The following ATP8A1 variants were observed in gnomAD, a reference collection of about 807,000 sequenced individuals.
The protein encoded by ATP8A1 is ATPase phospholipid transporting 8A1.
A neutral mutation model predicts 177.7 loss-of-function variants in ATP8A1; 90 were observed. The observed-to-expected ratio is 0.51, with a 90% CI of 0.43 to 0.60. The LOEUF (loss-of-function observed/expected upper bound fraction) is 0.60. ATP8A1 is among the 20% of genes least tolerant of loss of function. The pLI, the probability that ATP8A1 is intolerant of heterozygous loss-of-function variation, is 0.00. For synonymous variants in ATP8A1, 493 were observed against 485.9 expected (o/e 1.01, Z -0.19); for missense variants, 1,072 against 1,392.8 (o/e 0.77, Z 3.67).
intron 5 of ATP8A1, among the ~76,000 whole-genome samples, chr4:42,604,863 G>A (rs1027434591): frequency 5.3e-5 from 8 of 152,128 alleles, no homozygotes; most frequent in African/African-American, 1.9e-4. Context: ...TTTAAGTGTG[G>A]ATACAATGAC....
chr4:42,550,399 T>C (rs1306733799), intron 18 of ATP8A1, among the ~76,000 whole-genome samples: 1 of 152,190 alleles, frequency 6.6e-6, no homozygotes, highest in Admixed American at 6.5e-5. Context: ...TGAATAAAGC[T>C]GATAGGAGCA....
intron 25 of ATP8A1, among the ~76,000 whole-genome samples, chr4:42,482,010 G>C (rs1416109001): frequency 2.6e-5 from 4 of 152,160 alleles, no homozygotes; most frequent in African/African-American, 9.7e-5. Flanking sequence ...ATCTATGAAA[G>C]AACAGTAGTT....
chr4:42,578,397 G>A lies in ATP8A1; in HGVS notation c.1001-10C>T. Reference sequence around the variant, plus strand: ...TTACTAGCGCCACCATCTGTTGGGAGAGGCAGGAAGAACGTCATTTACAGT... The same window carrying A: ...TTACTAGCGCCACCATCTGTTGGGAAAGGCAGGAAGAACGTCATTTACAGT... On this transcript the variant is annotated splice_polypyrimidine_tract_variant and intron_variant, in intron 11 of 36. Transcript: ENST00000381668. 6.2e-7 allele frequency: 1 copy of A among 1,605,496 alleles called. No homozygotes were observed. Among genetic ancestry groups the A allele is most frequent in the Non-Finnish European group, 8.5e-7 (1 of 1,177,072 alleles).
At chr4:42,441,583 G>A (rs1001779414) in intron 33 of ATP8A1, among the ~76,000 whole-genome samples, 24 of 151,962 alleles carry the variant, frequency 1.6e-4, no homozygotes, top group East Asian at 5.8e-4. Context: ...GATTTACCTC[G>A]GAGAATCTGA....
chr4:42,596,205 T>C (rs1203993833), intron 6 of ATP8A1, among the ~76,000 whole-genome samples: 1 of 152,166 alleles, frequency 6.6e-6, no homozygotes, highest in Non-Finnish European at 1.5e-5. Context: ...ATACATATTC[T>C]AATTGGAGGA....
intron 22 of ATP8A1, among the ~76,000 whole-genome samples, chr4:42,516,623 TA>T (rs1356175895): frequency 6.6e-6 from 1 of 152,210 alleles, no homozygotes; most frequent in African/African-American, 2.4e-5. Flanking sequence ...TTGAAGCAAA[TA>T]AATATTAAAC....
At chr4:42,567,071 G>C (rs1357921485) in intron 15 of ATP8A1, among the ~76,000 whole-genome samples, 1 of 152,226 alleles carries the variant, frequency 6.6e-6, no homozygotes, top group Non-Finnish European at 1.5e-5. Context: ...TTGTTCAACA[G>C]TACCAGTAGA....
At chr4:42,477,382 G>C (rs1232895819) in intron 25 of ATP8A1, among the ~76,000 whole-genome samples, 1 of 152,134 alleles carries the variant, frequency 6.6e-6, no homozygotes, top group Non-Finnish European at 1.5e-5. Context: ...CTATTCCATG[G>C]ATCTGGGATG....
intron 33 of ATP8A1, among the ~76,000 whole-genome samples, chr4:42,425,420 A>G (rs1714481207): frequency 6.6e-6 from 1 of 152,232 alleles, no homozygotes; most frequent in Non-Finnish European, 1.5e-5. Context: ...AACAACATGA[A>G]TTGAGGGGAA....
rs145872247 is a variant in ATP8A1, at chr4:42,639,414, T to C, written c.50-12305A>G. ...CTGCTGCCTAGAATAGATGATACAA[T>C]GTTGTTAACAGATAATAAAAGGCAG... On this transcript the variant is annotated intron_variant, in intron 1 of 36. Coordinates refer to ENST00000381668, the MANE Select transcript of ATP8A1 (RefSeq NM_006095.2). Among the ~76,000 whole-genome samples the C allele has an allele frequency of 9.7e-3, 1,483 of 152,308 alleles. 17 individuals carry two copies. The highest frequency in any genetic ancestry group is 0.033 in the African/African-American group (1,380 of 41,564).
At chr4:42,580,066 C>A in intron 10 of ATP8A1, 88 bp from the exon 11 acceptor site, 1 of 1,039,986 alleles carries the variant, frequency 9.6e-7, no homozygotes, top group South Asian at 1.7e-5. Context: ...ATGACAAAGT[C>A]ACAACTCAGT....
intron 5 of ATP8A1, among the ~76,000 whole-genome samples, chr4:42,613,715 C>T (rs1367074311): frequency 1.3e-5 from 2 of 152,042 alleles, no homozygotes; most frequent in African/African-American, 4.8e-5. Context: ...TCCCGAATAG[C>T]TGGGATTACA....
At chr4:42,490,563 CT>C (rs1722646778) in intron 24 of ATP8A1, among the ~76,000 whole-genome samples, 1 of 152,202 alleles carries the variant, frequency 6.6e-6, no homozygotes, top group African/African-American at 2.4e-5. Flanking sequence ...ATTCCCTCAA[CT>C]TTCCTTCCTT....
intron 27 of ATP8A1, among the ~76,000 whole-genome samples, chr4:42,461,244 C>CTTTTTTTTTTTTTTTTTTTTTT (rs777847439): frequency 3.5e-5 from 3 of 84,546 alleles, no homozygotes; most frequent in Non-Finnish European, 7.0e-5. Context: ...TCAATTTTTT[C>CTTTTTTTTTTTTTTTTTTTTTT]TTTCTTTTTT....
chr4:42,596,728 C>CAA (rs1194582937), intron 6 of ATP8A1, among the ~76,000 whole-genome samples: 1 of 150,302 alleles, frequency 6.7e-6, no homozygotes, highest in Non-Finnish European at 1.5e-5. Context: ...GCTTCATGCA[C>CAA]AAAAGTGGCT....
At chr4:42,514,004 C>T (rs539878788) in intron 22 of ATP8A1, among the ~76,000 whole-genome samples, 2 of 152,156 alleles carry the variant, frequency 1.3e-5, no homozygotes, top group Non-Finnish European at 2.9e-5. Context: ...TGGGTATCAT[C>T]CTTGTTTTAA....
chr4:42,653,936 A>T (rs1054338027), intron 1 of ATP8A1, among the ~76,000 whole-genome samples: 10 of 152,184 alleles, frequency 6.6e-5, no homozygotes, highest in African/African-American at 2.4e-4. Context: ...ACTGTCTTCA[A>T]CACTCTCCTA....
At chr4:42,449,753 C>T (rs10034082) in intron 30 of ATP8A1, among the ~76,000 whole-genome samples, 19,212 of 152,102 alleles carry the variant, frequency 0.13, 2,501 homozygotes, top group African/African-American at 0.33. Context: ...GCAGCACTCC[C>T]GTGAACTGCC....
At chr4:42,513,877 C>T (rs1482123413) in intron 22 of ATP8A1, among the ~76,000 whole-genome samples, 1 of 152,174 alleles carries the variant, frequency 6.6e-6, no homozygotes, top group Non-Finnish European at 1.5e-5. Flanking sequence ...AGTCACCATT[C>T]TCTTGAGGTT....
Sources: gnomAD v4.1 joint callset for allele counts (sites outside exome capture counted in the v4.1 genomes callset) on GRCh38, gnomAD v4.1.1 for gene constraint, MANE v1.5 for transcripts, NCBI Gene and HGNC (gene_info 2026-07-23, HGNC 2026-07-21) for gene names.